VTI1A: variants seen among roughly 807,000 people sequenced by gnomAD.
VTI1A encodes vesicle transport through interaction with t-SNAREs 1A, also known as vesicle transport through interaction with t-SNAREs homolog 1A.
A neutral mutation model predicts 34.9 loss-of-function variants in VTI1A; 22 were observed. The observed-to-expected ratio is 0.63, with a 90% CI of 0.45 to 0.90. VTI1A has a LOEUF of 0.90. VTI1A is among the 40% of genes least tolerant of loss of function. The probability of loss-of-function intolerance (pLI) is 0.00; values close to 1 mark genes in which losing one functional copy is unlikely to be tolerated. For synonymous variants in VTI1A, 87 were observed against 97.3 expected (o/e 0.89, Z 0.62); for missense variants, 268 against 275.6 (o/e 0.97, Z 0.20).
rs372972500 is a variant in VTI1A, at chr10:112,546,938, G to A, written c.427+8608G>A. Reference sequence around the variant, plus strand: ...ATCTCTTTTTAAAAAATAAAAATACGGATTTCTCTTCAATTTCAGTATTTC... The same window carrying A: ...ATCTCTTTTTAAAAAATAAAAATACAGATTTCTCTTCAATTTCAGTATTTC... On this transcript the variant is annotated intron_variant, in intron 5 of 7. Transcript: ENST00000393077. Among the ~76,000 whole-genome samples, 4 of 151,930 alleles carry A rather than the reference G, an allele frequency of 2.6e-5. 1 individual carries two copies. The highest frequency in any genetic ancestry group is 4.4e-5 in the Non-Finnish European group (3 of 67,988).
At chr10:112,606,110 C>T (rs1458975756) in intron 5 of VTI1A, among the ~76,000 whole-genome samples, 1 of 151,500 alleles carries the variant, frequency 6.6e-6, no homozygotes, top group Non-Finnish European at 1.5e-5. Flanking sequence ...CCACAACCTC[C>T]TCCTCCTGGG....
intron 7 of VTI1A, among the ~76,000 whole-genome samples, chr10:112,696,366 G>A (rs1848788570): frequency 1.3e-5 from 2 of 152,058 alleles, no homozygotes; most frequent in South Asian, 4.2e-4. Context: ...TATAATTTTG[G>A]TAGCATAAGT....
chr10:112,566,300 ATTT>A (rs1229941359), intron 5 of VTI1A, among the ~76,000 whole-genome samples: 1 of 152,214 alleles, frequency 6.6e-6, no homozygotes, highest in Non-Finnish European at 1.5e-5. Context: ...TTTCTATTGC[ATTT>A]TTACCTTTTA....
chr10:112,627,386 C>G (rs1385788592), intron 5 of VTI1A, among the ~76,000 whole-genome samples: 1 of 152,076 alleles, frequency 6.6e-6, no homozygotes, highest in Admixed American at 6.6e-5. Flanking sequence ...TTCAGCAAAC[C>G]CTAGTCCTTA....
chr10:112,842,050 CCT>C, the VTI1A span, among the ~76,000 whole-genome samples: 10,301 of 92,404 alleles, frequency 0.11, 1,182 homozygotes, highest in Non-Finnish European at 0.15. Flanking sequence ...TTTTTTTTTT[CCT>C]TTTTTTTTTT....
chr10:112,560,861 T>G (rs1023918209), intron 5 of VTI1A, among the ~76,000 whole-genome samples: 1 of 152,034 alleles, frequency 6.6e-6, no homozygotes, highest in African/African-American at 2.4e-5. Context: ...CCTCCCAGAG[T>G]GCTGGGATTA....
intron 5 of VTI1A, among the ~76,000 whole-genome samples, chr10:112,604,873 C>G (rs1462237827): frequency 6.6e-6 from 1 of 151,994 alleles, no homozygotes; most frequent in Non-Finnish European, 1.5e-5. Flanking sequence ...AAGTATTACT[C>G]TCATTTAGAA....
intron 5 of VTI1A, among the ~76,000 whole-genome samples, chr10:112,583,470 T>G (rs1844031263): frequency 6.6e-6 from 1 of 152,228 alleles, no homozygotes; most frequent in Non-Finnish European, 1.5e-5. Flanking sequence ...GTTCCGTCTT[T>G]CAGTCCTATG....
At position 112,627,732 on chromosome 10, in the gene VTI1A, C is replaced by G. The variant is rs1308907052; in HGVS notation, c.428-40486C>G. Reference sequence around the variant, plus strand: ...CGAAGCATCTACTATGTAACAGGACCTGGTGCTGAGATAACAACAGTGACC... The same window carrying G: ...CGAAGCATCTACTATGTAACAGGACGTGGTGCTGAGATAACAACAGTGACC... On this transcript the variant is annotated intron_variant, in intron 5 of 7. Transcript: ENST00000393077. Among the ~76,000 whole-genome samples the G allele has an allele frequency of 2.6e-5, 4 of 152,044 alleles. No individual in the cohort carries two copies. In the East Asian group the frequency reaches 5.8e-4, roughly 22 times the overall value.
chr10:112,573,419 A>G (rs111667667), intron 5 of VTI1A, among the ~76,000 whole-genome samples: 1 of 152,216 alleles, frequency 6.6e-6, no homozygotes, highest in Non-Finnish European at 1.5e-5. Context: ...GGAAAAAAAA[A>G]CCCTAATGGT....
At chr10:112,706,263 C>T (rs1849194654) in intron 7 of VTI1A, among the ~76,000 whole-genome samples, 1 of 152,124 alleles carries the variant, frequency 6.6e-6, no homozygotes, top group Non-Finnish European at 1.5e-5. Context: ...CTCAGAAAAC[C>T]TCAGCAGTGG....
intron 3 of VTI1A, among the ~76,000 whole-genome samples, chr10:112,525,765 A>T (rs1589862267): frequency 1.3e-5 from 2 of 152,256 alleles, no homozygotes; most frequent in South Asian, 4.2e-4. Flanking sequence ...TAACTTCAGA[A>T]TGATTTAAAG....
intron 4 of VTI1A, among the ~76,000 whole-genome samples, chr10:112,532,256 C>G (rs187155794): frequency 3.9e-5 from 6 of 152,322 alleles, no homozygotes; most frequent in African/African-American, 1.4e-4. Context: ...ATGATACTTA[C>G]AGAGACTTAT....
At chr10:112,484,912 A>G (rs1848568145) in intron 3 of VTI1A, 4 of 151,916 alleles carry the variant, frequency 2.6e-5, no homozygotes, top group Admixed American at 6.6e-5. Context: ...TAATAATGCC[A>G]TGTGTTACAG....
At chr10:112,559,644 CTT>C (rs1851655585) in intron 5 of VTI1A, among the ~76,000 whole-genome samples, 1 of 152,178 alleles carries the variant, frequency 6.6e-6, no homozygotes, top group Admixed American at 6.5e-5. Flanking sequence ...TGGATTATCT[CTT>C]TATCAGCTAT....
intron 7 of VTI1A, among the ~76,000 whole-genome samples, chr10:112,701,517 C>A (rs1849009146): frequency 6.6e-6 from 1 of 152,106 alleles, no homozygotes; most frequent in Non-Finnish European, 1.5e-5. Flanking sequence ...ACTGCATTTC[C>A]CTATGTTGAG....
At chr10:112,460,723 A>G (rs1261645606) in intron 2 of VTI1A, 141 bp downstream of exon 2, 3 of 600,010 alleles carry the variant, frequency 5.0e-6, no homozygotes, top group African/African-American at 1.9e-5. Context: ...CAATTTTTAA[A>G]TTGAAGAGAT....
intron 3 of VTI1A, among the ~76,000 whole-genome samples, chr10:112,519,592 A>G (rs138151895): frequency 6.6e-6 from 1 of 152,090 alleles, no homozygotes. Context: ...CGTTCATCCA[A>G]CCATGGCTTT....
In VTI1A at chr10:112,648,529, A is replaced by T. The variant is rs149254731; in HGVS notation, c.428-19689A>T. Among the ~76,000 whole-genome samples, 713 of 152,268 alleles carry T rather than the reference A, an allele frequency of 4.7e-3. 8 individuals are homozygous for T. Among genetic ancestry groups the T allele is most frequent in the African/African-American group, 0.015 (638 of 41,522 alleles). ...CATCTTTAGGGTTAACCAACAATGA[A>T]GTTCATGAGAATATTATACATAGTT... On this transcript the variant is annotated intron_variant, in intron 5 of 7. Coordinates refer to ENST00000393077, the MANE Select transcript of VTI1A (RefSeq NM_145206.4).
Sources: gnomAD v4.1 joint callset for allele counts (sites outside exome capture counted in the v4.1 genomes callset) on GRCh38, gnomAD v4.1.1 for gene constraint, MANE v1.5 for transcripts, NCBI Gene and HGNC (gene_info 2026-07-23, HGNC 2026-07-21) for gene names.